The following NUP98 variants were observed in gnomAD, a reference collection of about 807,000 sequenced individuals.
NUP98 encodes the protein nucleoporin 98 and 96 precursor.
A neutral mutation model predicts 191.9 loss-of-function variants in NUP98; 26 were observed. The ratio of observed to expected loss-of-function variants is 0.14; its 90% CI spans 0.10 to 0.19. The LOEUF is 0.19. Among genes scored for constraint, NUP98 ranks in the 10% least tolerant of loss-of-function variants. The pLI, the probability that NUP98 is intolerant of heterozygous loss-of-function variation, is 1.00. For synonymous variants in NUP98, 808 were observed against 778.4 expected (o/e 1.04, Z -0.63); for missense variants, 1,941 against 2,178.8 (o/e 0.89, Z 2.17).
At chr11:3,756,144 G>C (rs1352818098) in intron 10 of NUP98, among the ~76,000 whole-genome samples, 1 of 152,050 alleles carries the variant, frequency 6.6e-6, no homozygotes, top group African/African-American at 2.4e-5. Context: ...AATGTACTTG[G>C]AGATATTCTT....
chr11:3,766,894 G>A (rs1299905103), intron 8 of NUP98, among the ~76,000 whole-genome samples: 1 of 152,132 alleles, frequency 6.6e-6, no homozygotes, highest in Non-Finnish European at 1.5e-5. Context: ...GTATTACAAT[G>A]ATTAATGATC....
chr11:3,693,459 T>C, intron 26 of NUP98, 84 bp from the exon 27 acceptor site: 1 of 1,327,774 alleles, frequency 7.5e-7, no homozygotes, highest in Non-Finnish European at 1.1e-6. Context: ...GAATATTCAC[T>C]TATTCAAGGA....
chr11:3,775,578 T>G (rs1272077863), intron 5 of NUP98, among the ~76,000 whole-genome samples: 1 of 151,736 alleles, frequency 6.6e-6, no homozygotes, highest in East Asian at 1.9e-4. Context: ...AATTGAACAG[T>G]TGACCATTCA....
At chr11:3,715,326 T>C (rs1465516659) in intron 18 of NUP98, among the ~76,000 whole-genome samples, 1 of 152,130 alleles carries the variant, frequency 6.6e-6, no homozygotes, top group African/African-American at 2.4e-5. Flanking sequence ...TTTGTACTTT[T>C]AGTAGAGACG....
At chr11:3,779,920 G>A (rs2081897468) in intron 2 of NUP98, among the ~76,000 whole-genome samples, 1 of 151,970 alleles carries the variant, frequency 6.6e-6, no homozygotes, top group Non-Finnish European at 1.5e-5. Flanking sequence ...TTGAGGTCAG[G>A]AGTTCAAGAC....
chr11:3,703,718 T>C (rs1224509115), intron 22 of NUP98, among the ~76,000 whole-genome samples: 1 of 152,042 alleles, frequency 6.6e-6, no homozygotes, highest in African/African-American at 2.4e-5. Context: ...AGATCAAAAC[T>C]CAAATTCCTA....
At chr11:3,730,871 G>C (rs908807669) in intron 14 of NUP98, among the ~76,000 whole-genome samples, 1 of 152,028 alleles carries the variant, frequency 6.6e-6, no homozygotes, top group African/African-American at 2.4e-5. Flanking sequence ...AAAATAAGAG[G>C]CATATTTATC....
At chr11:3,797,233 C>T (rs966810632) in intron 1 of NUP98, among the ~76,000 whole-genome samples, 167 bp downstream of exon 1, 1 of 152,288 alleles carries the variant, frequency 6.6e-6, no homozygotes, top group Non-Finnish European at 1.5e-5. Flanking sequence ...CTCCCGGGCT[C>T]CGGGCCCCCG....
intron 1 of NUP98, among the ~76,000 whole-genome samples, chr11:3,782,495 C>T (rs2082002334): frequency 6.6e-6 from 1 of 151,162 alleles, no homozygotes; most frequent in South Asian, 2.1e-4. Context: ...TTATATGATC[C>T]TCATAGGAGG....
intron 14 of NUP98, among the ~76,000 whole-genome samples, chr11:3,726,360 A>T (rs1337827973): frequency 6.6e-6 from 1 of 151,744 alleles, no homozygotes; most frequent in Non-Finnish European, 1.5e-5. Flanking sequence ...AACTGATGAA[A>T]TAGGAAACAA....
At chr11:3,775,124 T>A (rs1355349954) in intron 5 of NUP98, among the ~76,000 whole-genome samples, 1 of 152,092 alleles carries the variant, frequency 6.6e-6, no homozygotes, top group Non-Finnish European at 1.5e-5. Flanking sequence ...ACATACACAA[T>A]AAACTTTACA....
chr11:3,702,253 C>T (rs906750993), intron 23 of NUP98, among the ~76,000 whole-genome samples: 1 of 151,598 alleles, frequency 6.6e-6, no homozygotes, highest in Non-Finnish European at 1.5e-5. Flanking sequence ...CACACACACA[C>T]ACACCGGGGA....
At chr11:3,775,832 A>G (rs750694211) in intron 5 of NUP98, 50 bp downstream of exon 5, 35 of 1,572,950 alleles carry the variant, frequency 2.2e-5, no homozygotes, top group Non-Finnish European at 1.9e-5. Context: ...CTGCAAAGAA[A>G]TATACATGCG....
intron 25 of NUP98, among the ~76,000 whole-genome samples, chr11:3,697,753 T>C (rs939168664): frequency 4.1e-5 from 6 of 145,360 alleles, no homozygotes; most frequent in African/African-American, 1.3e-4. Flanking sequence ...GAAGTAAAGG[T>C]TGCAGTGAGC....
At chr11:3,730,660 G>A (rs557088424) in intron 14 of NUP98, among the ~76,000 whole-genome samples, 161 of 152,072 alleles carry the variant, frequency 1.1e-3, no homozygotes, top group African/African-American at 2.6e-3. Flanking sequence ...CACCATGCCC[G>A]GCCGGATTAC....
At chr11:3,681,229 T>A (rs543787482) in intron 30 of NUP98, among the ~76,000 whole-genome samples, 5 of 152,044 alleles carry the variant, frequency 3.3e-5, no homozygotes, top group African/African-American at 1.2e-4. Context: ...TTTGTAGAGA[T>A]TGGGTTTCAC....
intron 13 of NUP98, among the ~76,000 whole-genome samples, chr11:3,731,851 T>C (rs2079865011): frequency 6.6e-6 from 1 of 152,228 alleles, no homozygotes; most frequent in Non-Finnish European, 1.5e-5. Flanking sequence ...ATCCCAAATG[T>C]GAAAATCCAA....
Position 3,771,797 on chromosome 11 carries a change from G to T in NUP98, c.735C>A (p.Thr245=). ...SSATGLFSSS[T]TNSGFAYGQN... ...GACCATATGCAAAGCCTGAATTAGT[G>T]GTGGAGGAGCTGAAGAGTCCTGTTG... The change falls in exon 7 of 33, where the codon ACC becomes ACA. Residue 245 remains threonine, a synonymous_variant. Transcript: ENST00000324932. The T allele has an allele frequency of 6.2e-7, 1 of 1,614,184 alleles. No individual in the cohort carries two copies. Among genetic ancestry groups the T allele is most frequent in the Non-Finnish European group, 8.5e-7 (1 of 1,180,034 alleles).
chr11:3,790,447 A>G (rs1175839844), intron 1 of NUP98, among the ~76,000 whole-genome samples: 1 of 152,192 alleles, frequency 6.6e-6, no homozygotes. Flanking sequence ...GTGTGACCCA[A>G]AGACCCCTAA....
Sources: allele counts gnomAD v4.1 joint callset (sites outside exome capture counted in the v4.1 genomes callset), GRCh38; gene constraint gnomAD v4.1.1; transcripts MANE v1.5; gene names NCBI Gene and HGNC (gene_info 2026-07-23, HGNC 2026-07-21).